Variants in RFX1 observed in about 807,000 individuals in gnomAD.
The protein encoded by RFX1 is MHC class II regulatory factor RFX1.
Under a neutral mutation model 119.6 loss-of-function variants are expected in RFX1, and 42 were observed. That is an observed-to-expected ratio of 0.35 (90% CI 0.27 to 0.45). The LOEUF (loss-of-function observed/expected upper bound fraction) is 0.45, where lower values mean the gene tolerates loss of function less well. Ranked by LOEUF, RFX1 falls within the 20% of genes least tolerant of loss-of-function variation. The pLI, the probability that RFX1 is intolerant of heterozygous loss-of-function variation, is 1.00. For missense variants in RFX1, 1,118 were observed against 1,368.1 expected (o/e 0.82, Z 2.88); for synonymous variants, 628 against 618.5 (o/e 1.02, Z -0.23).
intron 5 of RFX1, among the ~76,000 whole-genome samples, chr19:13,981,779 T>TC (rs779613703): frequency 8.5e-5 from 13 of 152,182 alleles, no homozygotes; most frequent in Non-Finnish European, 1.8e-4. Flanking sequence ...GAAGAGACTG[T>TC]CCCACCCTCC....
intron 2 of RFX1, among the ~76,000 whole-genome samples, chr19:13,988,497 A>G (rs1974687680): frequency 6.6e-6 from 1 of 151,990 alleles, no homozygotes; most frequent in African/African-American, 2.4e-5. Flanking sequence ...CCCATCAGAC[A>G]CTCTGGGCGC....
At chr19:13,995,041 G>A (rs764963584) in intron 1 of RFX1, among the ~76,000 whole-genome samples, 1 of 149,954 alleles carries the variant, frequency 6.7e-6, no homozygotes, top group Non-Finnish European at 1.5e-5. Context: ...AAAGTGCTGG[G>A]ATTCTAGGTG....
chr19:14,002,314 CAAA>C (rs753879311), intron 1 of RFX1, among the ~76,000 whole-genome samples: 3 of 55,682 alleles, frequency 5.4e-5, no homozygotes, highest in African/African-American at 6.9e-5. Flanking sequence ...GACTCTGTCT[CAAA>C]AAAAAAAAAA....
In RFX1 at chr19:13,965,874, T is replaced by C; in HGVS notation, c.1962-97A>G. 1 of 1,409,218 alleles carries C rather than the reference T, an allele frequency of 7.1e-7. No individual in the cohort carries two copies. Among genetic ancestry groups the C allele is most frequent in the Non-Finnish European group, 9.8e-7 (1 of 1,025,068 alleles). The allele number at this position is 1,409,218 out of a possible 1,614,324, so 87.3% of individuals were successfully genotyped here. ...GGTAGCCCCTGTCCCTGACCCAGGGTCACTGGGGTACTCTGTGGTTCTACC... is the reference window on the plus strand; with the variant it reads ...GGTAGCCCCTGTCCCTGACCCAGGGCCACTGGGGTACTCTGTGGTTCTACC... On this transcript the variant is annotated intron_variant, in intron 14 of 20. Transcript: ENST00000254325. This position sits in a 1 kb window ranked among gnomAD's most constrained non-coding sequence, Gnocchi z 4.7.
At chr19:14,003,111 T>C (rs1975268834) in intron 1 of RFX1, among the ~76,000 whole-genome samples, 2 of 152,126 alleles carry the variant, frequency 1.3e-5, no homozygotes, top group South Asian at 4.1e-4. Flanking sequence ...GCCTCCTAAA[T>C]AGCTGGGACT....
chr19:13,978,585 T>G (rs1974327557), intron 7 of RFX1, among the ~76,000 whole-genome samples: 3 of 152,030 alleles, frequency 2.0e-5, no homozygotes, highest in African/African-American at 4.8e-5. Context: ...GGGGCGGAGC[T>G]GGGACCTGGA....
chr19:13,996,718 C>CTTTTTTT (rs767281958), intron 1 of RFX1, among the ~76,000 whole-genome samples: 9 of 114,402 alleles, frequency 7.9e-5, no homozygotes, highest in African/African-American at 1.4e-4. Flanking sequence ...GGCTCATTTG[C>CTTTTTTT]TTTTTTTTTT....
At chr19:13,999,576 G>A (rs1975145090) in intron 1 of RFX1, among the ~76,000 whole-genome samples, 1 of 152,026 alleles carries the variant, frequency 6.6e-6, no homozygotes, top group South Asian at 2.1e-4. Context: ...TAATTCCGGT[G>A]TTGATATTTC....
intron 9 of RFX1, among the ~76,000 whole-genome samples, chr19:13,971,344 G>T (rs1018966771): frequency 6.7e-6 from 1 of 149,732 alleles, no homozygotes; most frequent in African/African-American, 2.5e-5. Flanking sequence ...CTCCAAAAAA[G>T]AAAAAAAAAG....
chr19:13,969,692 T>C lies in RFX1; in HGVS notation c.1496+302A>G. 3.1e-6 allele frequency: 1 copy of C among 321,128 alleles called. No individual in the cohort carries two copies. Among genetic ancestry groups the C allele is most frequent in the Non-Finnish European group, 5.7e-6 (1 of 175,904 alleles). 19.9% of individuals were successfully genotyped at this position (321,128 alleles called of 1,614,324 possible). On this transcript the variant is annotated intron_variant, in intron 10 of 20. Transcript: ENST00000254325. The surrounding 1 kb of genome is among the most constrained non-coding windows in gnomAD (Gnocchi z 4.5). Reference sequence around the variant, plus strand: ...AAAAAAAAGTCACGTGTGAGCGTGCTGAATGCTAAAGAGAAAAATAAAGCA... The same window carrying C: ...AAAAAAAAGTCACGTGTGAGCGTGCCGAATGCTAAAGAGAAAAATAAAGCA...
At chr19:14,003,978 A>G (rs896548815) in intron 1 of RFX1, among the ~76,000 whole-genome samples, 2 of 151,660 alleles carry the variant, frequency 1.3e-5, no homozygotes, top group Non-Finnish European at 2.9e-5. Flanking sequence ...CTGTGATCTC[A>G]GCTCACTGCA....
Position 13,965,470 on chromosome 19 carries a change from G to C in RFX1, c.2190C>G (p.Pro730=). ...SWLTHAMVNI[P]EEMLRVKVAA... is the part of the protein sequence containing the mutation. ...TCACCTTCACCCGCAGCATCTCCTC[G>C]GGGATGTTGACCATGGCGTGGGTGA... is the stretch of plus-strand genomic sequence containing the variant. Residue 730 remains proline (P), a synonymous_variant, in exon 16 of 21, where the codon CCC becomes CCG. Coordinates refer to ENST00000254325, the MANE Select transcript of RFX1 (RefSeq NM_002918.5). The surrounding 1 kb of genome is among the most constrained non-coding windows in gnomAD (Gnocchi z 4.7). 6.2e-7 allele frequency: 1 copy of C among 1,613,960 alleles called. No individual in the cohort carries two copies. Among genetic ancestry groups the C allele is most frequent in the Non-Finnish European group, 8.5e-7 (1 of 1,179,954 alleles).
chr19:13,975,327 A>G (rs542918583), intron 8 of RFX1, among the ~76,000 whole-genome samples: 1 of 151,148 alleles, frequency 6.6e-6, no homozygotes, highest in East Asian at 1.9e-4. Context: ...GCACCATTGC[A>G]CTCCAGCTGT....
At chr19:13,991,380 GGTTT>G (rs1361748571) in intron 2 of RFX1, among the ~76,000 whole-genome samples, 3 of 152,218 alleles carry the variant, frequency 2.0e-5, no homozygotes, top group Admixed American at 6.5e-5. Flanking sequence ...ACCCACCAGA[GGTTT>G]GTGGCCTGAA....
At chr19:13,987,717 C>A (rs771601582) in intron 2 of RFX1, among the ~76,000 whole-genome samples, 85 of 152,196 alleles carry the variant, frequency 5.6e-4, no homozygotes, top group Non-Finnish European at 1.1e-3. Flanking sequence ...GAAGCATTGC[C>A]CAGTGACCCT....
rs1973919865 is a variant in RFX1 at position 13,966,852 on chromosome 19, T to C, written c.1733-101A>G. On this transcript the variant is annotated intron_variant, in intron 12 of 20. Transcript: ENST00000254325. The surrounding 1 kb of genome is among the most constrained non-coding windows in gnomAD (Gnocchi z 6.3). Reference sequence around the variant, plus strand: ...TTTCCCATCAGACTGGGGTCCCCCATGTGCCGGTGAGACAACGCTAGGTGG... The same window carrying C: ...TTTCCCATCAGACTGGGGTCCCCCACGTGCCGGTGAGACAACGCTAGGTGG... The C allele has an allele frequency of 1.3e-6, 1 of 788,372 alleles. No individual in the cohort carries two copies. The highest frequency in any genetic ancestry group is 2.0e-6 in the Non-Finnish European group (1 of 494,554). The allele number at this position is 788,372 out of a possible 1,614,324, so 48.8% of individuals were successfully genotyped here.
rs926549458 is a variant in RFX1, at chr19:13,962,587, C to A, written c.*108G>T. The stretch of plus-strand genomic sequence containing the variant: ...CGGTCTTCCCTGTCTCGGAGTCCCC[C>A]TCCCTGCCCTGGCTGAGGCTGGAGC... On this transcript the variant is annotated 3_prime_UTR_variant, in exon 21 of 21. Coordinates refer to ENST00000254325, the MANE Select transcript of RFX1 (RefSeq NM_002918.5). 2 of 951,024 alleles carry A rather than the reference C, an allele frequency of 2.1e-6. No individual in the cohort carries two copies. The highest frequency in any genetic ancestry group is 3.0e-6 in the Non-Finnish European group (2 of 669,160). 58.9% of individuals were successfully genotyped at this position (951,024 alleles called of 1,614,324 possible). A position where few individuals can be genotyped will look rare whatever the true frequency, so the allele number is the denominator to read the frequency against.
chr19:14,001,879 T>C (rs575055843), intron 1 of RFX1, among the ~76,000 whole-genome samples: 19 of 152,358 alleles, frequency 1.2e-4, no homozygotes, highest in African/African-American at 4.1e-4. Flanking sequence ...CTCACACCTA[T>C]AGTTCCAGCA....
chr19:14,001,864 G>A (rs117430168), intron 1 of RFX1, among the ~76,000 whole-genome samples: 332 of 152,316 alleles, frequency 2.2e-3, no homozygotes, highest in Non-Finnish European at 3.8e-3. Context: ...AGGCTGCTGC[G>A]GTGGCTCACA....
Sources: gnomAD v4.1 joint callset for allele counts (sites outside exome capture counted in the v4.1 genomes callset) on GRCh38, gnomAD v4.1.1 for gene constraint, Gnocchi (gnomAD v3.1) non-coding constraint, MANE v1.5 for transcripts, NCBI Gene and HGNC (gene_info 2026-07-23, HGNC 2026-07-21) for gene names.